CHST13: variants seen among roughly 807,000 people sequenced by gnomAD.
The protein encoded by CHST13 is carbohydrate sulfotransferase 13.
Under a neutral mutation model 7.0 loss-of-function variants are expected in CHST13, and 1 was observed. That is an observed-to-expected ratio of 0.14 (90% CI 0.05 to 0.68). The LOEUF is 0.68. Among genes scored for constraint, CHST13 ranks in the 30% least tolerant of loss-of-function variants. CHST13 has a pLI of 0.82. For synonymous variants in CHST13, 257 were observed against 240.9 expected (o/e 1.07, Z -0.62); for missense variants, 572 against 507.9 (o/e 1.13, Z -1.21).
rs539181586 is a variant in CHST13 at position 126,530,931 on chromosome 3, G to C, written c.98-5340G>C. Among the ~76,000 whole-genome samples the C allele has an allele frequency of 2.0e-5, 3 of 152,372 alleles. No homozygotes were observed. The South Asian group carries it at 6.2e-4, about 32-fold the overall frequency. The stretch of plus-strand genomic sequence containing the variant: ...TACAGGATGTGGCCTGGGCGCAGAG[G>C]GGGCCTGAGGCAGGCAGGGGGCAGC... On this transcript the variant is annotated intron_variant, in intron 1 of 2. Transcript: ENST00000319340.
At chr3:126,539,147 G>A (rs1048786850) in intron 2 of CHST13, among the ~76,000 whole-genome samples, 1 of 152,052 alleles carries the variant, frequency 6.6e-6, no homozygotes, top group Non-Finnish European at 1.5e-5. Context: ...GAAGAAGGGA[G>A]AATAGTTCAA....
At chr3:126,539,740 ACC>A (rs1391940497) in intron 2 of CHST13, among the ~76,000 whole-genome samples, 19 of 51,876 alleles carry the variant, frequency 3.7e-4, no homozygotes, top group Non-Finnish European at 4.5e-4. Flanking sequence ...CCACACACAC[ACC>A]CCACACCACA....
intron 2 of CHST13, among the ~76,000 whole-genome samples, chr3:126,539,325 G>A (rs1017065289): frequency 6.6e-6 from 1 of 152,024 alleles, no homozygotes; most frequent in African/African-American, 2.4e-5. Context: ...CAACATAAAT[G>A]TTAAGCCCTG....
At chr3:126,528,089 G>C (rs1236910382) in intron 1 of CHST13, among the ~76,000 whole-genome samples, 1 of 151,484 alleles carries the variant, frequency 6.6e-6, no homozygotes, top group Non-Finnish European at 1.5e-5. Flanking sequence ...ATGGCACAGA[G>C]AAAAGCATGG....
At chr3:126,526,621 A>G (rs1474348234) in intron 1 of CHST13, among the ~76,000 whole-genome samples, 1 of 152,162 alleles carries the variant, frequency 6.6e-6, no homozygotes, top group Non-Finnish European at 1.5e-5. Context: ...TTGCTACCCC[A>G]GGGAGCTCAG....
rs1431890278 is a variant in CHST13, at chr3:126,536,327, CT to C, written c.155del (p.Leu52ArgfsTer26). 1 of 1,614,042 alleles carries C rather than the reference CT, an allele frequency of 6.2e-7. No homozygotes were observed. On this transcript the variant is annotated frameshift_variant, in exon 2 of 3. Transcript: ENST00000319340. LOFTEE classifies it low-confidence loss of function (END_TRUNC). Reference sequence around the variant, plus strand: ...GCTTGGTGGGGAGAAGAGAAGCCCCCTGCAGAAGCTCTATGACCTGGATCAG... The same window carrying C: ...GCTTGGTGGGGAGAAGAGAAGCCCCCGCAGAAGCTCTATGACCTGGATCAG... ...SWLGGEKRSP[L>X]QKLYDLDQDP...
Position 126,536,361 on chromosome 3 carries a change from G to A in CHST13, c.180+8G>A. The A allele has an allele frequency of 6.2e-7, 1 of 1,611,062 alleles. No homozygotes were observed. On this transcript the variant is annotated splice_region_variant and intron_variant, in intron 2 of 2. Transcript: ENST00000319340. ...CTCTATGACCTGGATCAGGTAGGTG[G>A]ACAGACCCTCGACCCAGGCATGCCC...
chr3:126,541,925 C>T lies in CHST13; in HGVS notation c.373C>T (p.Leu125=). Residue 125 remains leucine, a synonymous_variant, in exon 3 of 3, where the codon CTG becomes TTG. Coordinates refer to ENST00000319340, the MANE Select transcript of CHST13 (RefSeq NM_152889.3). The part of the protein sequence containing the change: ...VACTNWKRVL[L]ALSGQARGDP... ...CTGCACCAACTGGAAGCGCGTGCTGCTGGCGCTGAGCGGCCAAGCCCGCGG... is the reference window on the plus strand; with the variant it reads ...CTGCACCAACTGGAAGCGCGTGCTGTTGGCGCTGAGCGGCCAAGCCCGCGG... 6.3e-7 allele frequency: 1 copy of T among 1,596,724 alleles called. No homozygotes were observed. Among genetic ancestry groups the T allele is most frequent in the South Asian group, 1.1e-5 (1 of 88,770 alleles).
intron 2 of CHST13, among the ~76,000 whole-genome samples, chr3:126,538,936 A>G (rs1936861510): frequency 6.6e-6 from 1 of 152,168 alleles, no homozygotes; most frequent in Non-Finnish European, 1.5e-5. Context: ...AGTGAAGAGT[A>G]GGTCTCCTTG....
At chr3:126,527,308 C>T (rs549637317) in intron 1 of CHST13, 6 of 152,384 alleles carry the variant, frequency 3.9e-5, no homozygotes, top group Non-Finnish European at 8.8e-5. Flanking sequence ...CTCCCTTCAG[C>T]TGGGAGGGAG....
In CHST13 at chr3:126,542,178, G is replaced by C; in HGVS notation, c.626G>C (p.Arg209Pro). 6.9e-7 allele frequency: 1 copy of C among 1,451,834 alleles called. No homozygotes were observed. Among genetic ancestry groups the C allele is most frequent in the Non-Finnish European group, 9.0e-7 (1 of 1,109,650 alleles). 89.9% of individuals were successfully genotyped at this position (1,451,834 alleles called of 1,614,324 possible). A position where few individuals can be genotyped will look rare whatever the true frequency, so the allele number is the denominator to read the frequency against. The change falls in exon 3 of 3, where the codon CGG (arginine) becomes CCG (proline). Residue 209 changes from arginine to proline, a missense_variant. By Grantham distance (103) the Arg-to-Pro change is moderately radical. Coordinates refer to ENST00000319340, the MANE Select transcript of CHST13 (RefSeq NM_152889.3). ...RYGARIVQRL[R>P]PRALPDARAR... ...GGTGCACGCATCGTTCAGCGCCTGC[G>C]GCCGCGCGCGCTCCCCGACGCCCGG...
chr3:126,524,401 A>ATGCGCCGCGCCCCGCTCCC lies in CHST13; in HGVS notation c.76_94dup (p.Pro32ArgfsTer32). Reference sequence around the variant, plus strand: ...GTCTGGGCGCCGCGCTCCTGCTCCTATGCGCCGCGCCCCGCTCCCTGCGCC... The same window carrying ATGCGCCGCGCCCCGCTCCC: ...GTCTGGGCGCCGCGCTCCTGCTCCTATGCGCCGCGCCCCGCTCCCTGCGCCGCGCCCCGCTCCCTGCGCC... On this transcript the variant is annotated frameshift_variant, in exon 1 of 3. Transcript: ENST00000319340. LOFTEE classifies it high-confidence loss of function. The ATGCGCCGCGCCCCGCTCCC allele has an allele frequency of 5.0e-6, 6 of 1,191,918 alleles. No individual in the cohort carries two copies. The highest frequency in any genetic ancestry group is 6.3e-6 in the Non-Finnish European group (6 of 952,394). The allele number at this position is 1,191,918 out of a possible 1,614,324, so 73.8% of individuals were successfully genotyped here. A position where few individuals can be genotyped will look rare whatever the true frequency, so the allele number is the denominator to read the frequency against.
At chr3:126,537,755 CAT>C (rs151187140) in intron 2 of CHST13, among the ~76,000 whole-genome samples, 17,934 of 152,246 alleles carry the variant, frequency 0.12, 1,735 homozygotes, top group African/African-American at 0.27. Context: ...GGAGAAATAA[CAT>C]AGTAAAAACC....
chr3:126,536,204 G>T (rs973563441), intron 1 of CHST13, 67 bp from the exon 2 acceptor site: 4 of 1,434,512 alleles, frequency 2.8e-6, no homozygotes, highest in Non-Finnish European at 3.9e-6. Context: ...AGATGGGTTG[G>T]CCAAACCCCC....
rs112722781 is a variant in CHST13, at chr3:126,536,689, C to T, written c.180+336C>T. Among the ~76,000 whole-genome samples, 575 of 152,148 alleles carry T rather than the reference C, an allele frequency of 3.8e-3. 2 individuals carry two copies. Among genetic ancestry groups the T allele is most frequent in the African/African-American group, 0.013 (542 of 41,488 alleles). ...GTGGGAGACTAAATCTCAGTGTGTG[C>T]TGCAGTGGGGAGGTGTGCAGGGACC... On this transcript the variant is annotated intron_variant, in intron 2 of 2. Transcript: ENST00000319340.
chr3:126,524,929 G>A (rs1936507610), intron 1 of CHST13, among the ~76,000 whole-genome samples: 2 of 152,164 alleles, frequency 1.3e-5, no homozygotes, highest in Admixed American at 1.3e-4. Flanking sequence ...TGGGACTCCT[G>A]TGCACCCACT....
In CHST13 at chr3:126,542,197, C is replaced by A. The variant is rs764873281; in HGVS notation, c.645C>A (p.Asp215Glu). 1.4e-6 allele frequency: 2 copies of A among 1,440,768 alleles called. No individual in the cohort carries two copies. The highest frequency in any genetic ancestry group is 2.7e-5 in the South Asian group (2 of 72,932). 89.2% of individuals were successfully genotyped at this position (1,440,768 alleles called of 1,614,324 possible). A position where few individuals can be genotyped will look rare whatever the true frequency, so the allele number is the denominator to read the frequency against. Residue 215 changes from aspartate to glutamate, a missense_variant, in exon 3 of 3, where the codon GAC becomes GAA. Coordinates refer to ENST00000319340, the MANE Select transcript of CHST13 (RefSeq NM_152889.3). The part of the protein sequence containing the change: ...VQRLRPRALP[D>E]ARARGHDVRF... ...GCCTGCGGCCGCGCGCGCTCCCCGA[C>A]GCCCGGGCCCGCGGCCACGACGTGC...
chr3:126,541,895 G>A lies in CHST13; in HGVS notation c.343G>A (p.Val115Met), dbSNP rs779741509. The A allele has an allele frequency of 4.4e-6, 7 of 1,600,802 alleles. No homozygotes were observed. The highest frequency in any genetic ancestry group is 2.3e-5 in the East Asian group (1 of 44,156). Residue 115 changes from valine (V) to methionine (M), a missense_variant, in exon 3 of 3, where the codon GTG (valine) becomes ATG (methionine). Physicochemically the swap from Val to Met is conservative, Grantham distance 21. Transcript: ENST00000319340. Reference sequence around the variant, plus strand: ...CCTGCTCTACTGCTACGTGCCCAAGGTGGCCTGCACCAACTGGAAGCGCGT... The same window carrying A: ...CCTGCTCTACTGCTACGTGCCCAAGATGGCCTGCACCAACTGGAAGCGCGT... ...HGLLYCYVPK[V>M]ACTNWKRVLL...
At chr3:126,541,507 C>T (rs1271831616) in intron 2 of CHST13, among the ~76,000 whole-genome samples, 1 of 152,226 alleles carries the variant, frequency 6.6e-6, no homozygotes, top group African/African-American at 2.4e-5. Flanking sequence ...GCGTCCTTCT[C>T]CCAGCCTCAG....
Sources: allele counts gnomAD v4.1 joint callset (sites outside exome capture counted in the v4.1 genomes callset), GRCh38; gene constraint gnomAD v4.1.1; transcripts MANE v1.5; gene names NCBI Gene and HGNC (gene_info 2026-07-23, HGNC 2026-07-21).